SHC3: variants seen among roughly 807,000 people sequenced by gnomAD.
SHC3 encodes the protein SHC-transforming protein 3.
SHC3 carries 15 observed loss-of-function variants against 60.4 expected under a neutral mutation model. That is an observed-to-expected ratio of 0.25 (90% CI 0.17 to 0.38). The LOEUF is 0.38. Among genes scored for constraint, SHC3 ranks in the 10% least tolerant of loss-of-function variants. SHC3 has a pLI of 1.00. For synonymous variants in SHC3, 294 were observed against 325.9 expected, an observed-to-expected ratio of 0.90 and a Z score of 1.05; for missense variants, 677 against 786.1, an observed-to-expected ratio of 0.86 and a Z score of 1.66.
intron 2 of SHC3, among the ~76,000 whole-genome samples, chr9:89,084,670 T>C (rs1184496458): frequency 6.6e-6 from 1 of 152,252 alleles, no homozygotes; most frequent in Non-Finnish European, 1.5e-5. Context: ...ACAGTTGGGT[T>C]AGAATAAGCC....
chr9:89,038,306 G>A lies in SHC3; in HGVS notation c.1361-18C>T, dbSNP rs1587688368. The A allele has an allele frequency of 6.4e-7, 1 of 1,574,180 alleles. No homozygotes were observed. The highest frequency in any genetic ancestry group is 8.6e-7 in the Non-Finnish European group (1 of 1,158,378). ...AAAAGGTTCTGTCATCAACAATATTGACCAGCAACAAGTCAATCCCAAGAA... is the reference window on the plus strand; with the variant it reads ...AAAAGGTTCTGTCATCAACAATATTAACCAGCAACAAGTCAATCCCAAGAA... On this transcript the variant is annotated intron_variant, in intron 10 of 11. Coordinates refer to ENST00000375835, the MANE Select transcript of SHC3 (RefSeq NM_016848.6).
At chr9:89,048,010 C>T (rs962293683) in intron 7 of SHC3, among the ~76,000 whole-genome samples, 6 of 152,066 alleles carry the variant, frequency 3.9e-5, no homozygotes, top group African/African-American at 1.4e-4. Flanking sequence ...TTTTGGGAGG[C>T]CAAGGCGGGC....
intron 1 of SHC3, among the ~76,000 whole-genome samples, chr9:89,123,555 CA>C (rs1336271914): frequency 6.6e-6 from 1 of 152,146 alleles, no homozygotes; most frequent in African/African-American, 2.4e-5. Context: ...AGGAATTGGT[CA>C]GGGGTGGGTG....
chr9:89,015,653 G>A (rs1331181), intron 11 of SHC3, among the ~76,000 whole-genome samples: 151,784 of 152,384 alleles, frequency 1, 75,594 homozygotes, highest in Middle Eastern at 1. Flanking sequence ...CTTATAGCCA[G>A]CAGAACTCTC....
At position 89,062,432 on chromosome 9, in the gene SHC3, C is replaced by A. The variant is rs560513466; in HGVS notation, c.835+3097G>T. 2.0e-4 allele frequency among the ~76,000 whole-genome samples: 30 copies of A among 152,322 alleles called. No homozygotes were observed. In the South Asian group the frequency reaches 3.3e-3, roughly 17 times the overall value. ...CCAACTTAATGACTTGGGTCAGGAA[C>A]CTTTTGTCCTTTCACTGGATTAACT... is the stretch of plus-strand genomic sequence containing the variant. On this transcript the variant is annotated intron_variant, in intron 6 of 11. Coordinates refer to ENST00000375835, the MANE Select transcript of SHC3 (RefSeq NM_016848.6).
intron 11 of SHC3, among the ~76,000 whole-genome samples, chr9:89,020,997 T>C (rs1223204584): frequency 6.6e-6 from 1 of 152,064 alleles, no homozygotes; most frequent in East Asian, 1.9e-4. Flanking sequence ...AGGGGAGCTG[T>C]AGGGATCTGC....
At chr9:89,165,178 C>A (rs1826767446) in intron 1 of SHC3, among the ~76,000 whole-genome samples, 1 of 151,550 alleles carries the variant, frequency 6.6e-6, no homozygotes, top group South Asian at 2.1e-4. Context: ...AAAAGCAAGT[C>A]ACAGATCAAT....
chr9:89,032,535 C>T (rs758899925), intron 11 of SHC3, among the ~76,000 whole-genome samples: 10 of 152,156 alleles, frequency 6.6e-5, no homozygotes, highest in African/African-American at 9.7e-5. Flanking sequence ...CTAAACAATT[C>T]TGAAGATGTT....
At chr9:89,081,610 C>A (rs989870984) in intron 2 of SHC3, among the ~76,000 whole-genome samples, 1 of 152,052 alleles carries the variant, frequency 6.6e-6, no homozygotes, top group Non-Finnish European at 1.5e-5. Flanking sequence ...TAAGAATATC[C>A]CACCCCCCTA....
At position 89,089,092 on chromosome 9, in the gene SHC3, C is replaced by T. The variant is rs1825579614; in HGVS notation, c.546-11189G>A. On this transcript the variant is annotated intron_variant, in intron 2 of 11. Transcript: ENST00000375835. ...ACTGTTCTGTGGCAGAATCTGCCTT[C>T]GAGAGGTATTTCCCCTTTCTGATCA... Among the ~76,000 whole-genome samples the T allele has an allele frequency of 4.6e-5, 7 of 152,276 alleles. No homozygotes were observed. In the South Asian group the frequency reaches 1.2e-3, roughly 27 times the overall value.
At chr9:89,165,199 T>G (rs181019427) in intron 1 of SHC3, among the ~76,000 whole-genome samples, 1 of 152,046 alleles carries the variant, frequency 6.6e-6, no homozygotes, top group African/African-American at 2.4e-5. Context: ...ATATGTAGAA[T>G]GTTTTGTGTT....
In SHC3 at chr9:89,143,563, G is replaced by T. The variant is rs149555416; in HGVS notation, c.475-30937C>A. Among the ~76,000 whole-genome samples the T allele has an allele frequency of 2.7e-3, 415 of 152,244 alleles. 2 individuals carry two copies. Among genetic ancestry groups the T allele is most frequent in the African/African-American group, 9.6e-3 (399 of 41,546 alleles). ...CACCCAGGAGTTTCAGAAGGTGAAG[G>T]GAGTTGGGAAACGCATCATTGTAGG... is the stretch of plus-strand genomic sequence containing the variant. On this transcript the variant is annotated intron_variant, in intron 1 of 11. Transcript: ENST00000375835.
chr9:89,041,306 A>G (rs996173382), intron 10 of SHC3, among the ~76,000 whole-genome samples: 3 of 152,212 alleles, frequency 2.0e-5, no homozygotes, highest in Non-Finnish European at 4.4e-5. Flanking sequence ...CTATAATGCT[A>G]TCTGCAATAG....
intron 1 of SHC3, among the ~76,000 whole-genome samples, chr9:89,152,333 C>T (rs1826556915): frequency 6.6e-6 from 1 of 152,208 alleles, no homozygotes; most frequent in Non-Finnish European, 1.5e-5. Flanking sequence ...TTACCATGCA[C>T]TGTAAAAAAT....
chr9:89,035,232 C>T (rs1377156229), intron 11 of SHC3, among the ~76,000 whole-genome samples: 1 of 152,196 alleles, frequency 6.6e-6, no homozygotes, highest in African/African-American at 2.4e-5. Context: ...AGCCCCACGA[C>T]CTGGCGTTGG....
chr9:89,152,538 C>T (rs1202208053), intron 1 of SHC3, among the ~76,000 whole-genome samples: 1 of 152,210 alleles, frequency 6.6e-6, no homozygotes, highest in Non-Finnish European at 1.5e-5. Context: ...GTTCTAGATG[C>T]CTGTGTGCAA....
In SHC3 at chr9:89,131,007, C is replaced by T. The variant is rs1409981441; in HGVS notation, c.475-18381G>A. Reference sequence around the variant, plus strand: ...AAAGATCAACAAAATTGATAGACCACTAGCAAGACTAATAAAGAAGAAAAG... The same window carrying T: ...AAAGATCAACAAAATTGATAGACCATTAGCAAGACTAATAAAGAAGAAAAG... On this transcript the variant is annotated intron_variant, in intron 1 of 11. Transcript: ENST00000375835. 3.9e-5 allele frequency among the ~76,000 whole-genome samples: 6 copies of T among 152,202 alleles called. No individual in the cohort carries two copies. The East Asian group carries it at 1.2e-3, about 29-fold the overall frequency.
chr9:89,148,079 A>G (rs2118207763), intron 1 of SHC3, among the ~76,000 whole-genome samples: 1 of 152,358 alleles, frequency 6.6e-6, no homozygotes, highest in African/African-American at 2.4e-5. Flanking sequence ...ATAGTACTTC[A>G]TTTGATAATG....
At chr9:89,014,937 AT>A (rs1378298191) in intron 11 of SHC3, among the ~76,000 whole-genome samples, 1 of 152,178 alleles carries the variant, frequency 6.6e-6, no homozygotes, top group Admixed American at 6.5e-5. Context: ...TGAAATTAGA[AT>A]GTTTTCCCCC....
Sources: gnomAD v4.1 joint callset for allele counts (sites outside exome capture counted in the v4.1 genomes callset) on GRCh38, gnomAD v4.1.1 for gene constraint, MANE v1.5 for transcripts, NCBI Gene and HGNC (gene_info 2026-07-23, HGNC 2026-07-21) for gene names.